The following IGSF21 variants were observed in gnomAD, a reference collection of about 807,000 sequenced individuals.
IGSF21 encodes the protein immunoglobin superfamily member 21, also known as immunoglobulin superfamily member 21.
In IGSF21, 28 loss-of-function variants were observed where a neutral mutation model predicts 46.8. That is an observed-to-expected ratio of 0.60 (90% CI 0.44 to 0.82). IGSF21 has a LOEUF of 0.82. IGSF21 is among the 40% of genes least tolerant of loss of function. IGSF21 has a pLI of 0.00. For missense variants in IGSF21, 624 were observed against 665.5 expected, an observed-to-expected ratio of 0.94 and a Z score of 0.69; for synonymous variants, 284 against 273.6, an observed-to-expected ratio of 1.04 and a Z score of -0.38.
In IGSF21 at chr1:18,377,000, G is replaced by A. The variant is rs535632273; in HGVS notation, c.1294+8G>A. The stretch of plus-strand genomic sequence containing the variant: ...CCCGGCTCATCGTGTTTGGTATGGC[G>A]CGCTCAACTGGGGACTGGGAGAACA... On this transcript the variant is annotated splice_region_variant and intron_variant, in intron 8 of 9. Coordinates refer to ENST00000251296, the MANE Select transcript of IGSF21 (RefSeq NM_032880.5). 22 of 1,582,950 alleles carry A rather than the reference G, an allele frequency of 1.4e-5. No individual in the cohort carries two copies. The highest frequency in any genetic ancestry group is 1.7e-4 in the Middle Eastern group (1 of 5,914).
intron 1 of IGSF21, among the ~76,000 whole-genome samples, chr1:18,189,628 C>T (rs59446602): frequency 0.024 from 3,627 of 151,838 alleles, 160 homozygotes; most frequent in African/African-American, 0.081. Flanking sequence ...GATCATCAGG[C>T]ATTAGATTCT....
intron 6 of IGSF21, among the ~76,000 whole-genome samples, chr1:18,367,448 G>A (rs184519653): frequency 1.3e-4 from 20 of 152,102 alleles, no homozygotes; most frequent in Admixed American, 2.6e-4. Context: ...ATGTAGCGGC[G>A]TTGAAATTTC....
intron 2 of IGSF21, among the ~76,000 whole-genome samples, chr1:18,231,095 A>G (rs1245961471): frequency 6.6e-6 from 1 of 152,040 alleles, no homozygotes; most frequent in East Asian, 1.9e-4. Flanking sequence ...TGTGGCTCCA[A>G]CCCCGTTAGA....
At chr1:18,373,518 G>T (rs11583062) in intron 6 of IGSF21, among the ~76,000 whole-genome samples, 24,495 of 152,054 alleles carry the variant, frequency 0.16, 2,285 homozygotes, top group East Asian at 0.34. Context: ...AGGGACCATC[G>T]GCTGCAAACG....
chr1:18,235,259 C>T (rs1359632874), intron 2 of IGSF21, among the ~76,000 whole-genome samples: 1 of 152,212 alleles, frequency 6.6e-6, no homozygotes, highest in Non-Finnish European at 1.5e-5. Flanking sequence ...GTTCCATGCA[C>T]TCATCCAACA....
intron 3 of IGSF21, among the ~76,000 whole-genome samples, chr1:18,324,298 G>T (rs1205224390): frequency 6.6e-6 from 1 of 152,182 alleles, no homozygotes; most frequent in Admixed American, 6.5e-5. Flanking sequence ...ATGTATTTCT[G>T]GCTCATTGAG....
rs867297209 is a variant in IGSF21, at chr1:18,108,012, C to T, written c.-117C>T. ...CGCCCCCGCGGCTCTCCGCGCTGCC[C>T]GCCACCGCCTCGGCCAGTGGCCGGA... On this transcript the variant is annotated 5_prime_UTR_variant, in exon 1 of 10. Transcript: ENST00000251296. 12 of 364,416 alleles carry T rather than the reference C, an allele frequency of 3.3e-5. No homozygotes were observed. The highest frequency in any genetic ancestry group is 8.3e-4 in the Middle Eastern group (1 of 1,212). The allele number at this position is 364,416 out of a possible 1,614,324, so 22.6% of individuals were successfully genotyped here.
intron 2 of IGSF21, among the ~76,000 whole-genome samples, chr1:18,278,526 G>GT (rs200294798): frequency 3.0e-5 from 4 of 132,960 alleles, no homozygotes; most frequent in Middle Eastern, 4.8e-3. Flanking sequence ...CAGGTGTAAG[G>GT]TTTTTTTTGT....
chr1:18,378,230 G>T, intron 9 of IGSF21, 26 bp from the exon 10 acceptor site: 1 of 1,609,546 alleles, frequency 6.2e-7, no homozygotes, highest in South Asian at 1.1e-5. Flanking sequence ...TGCAGGCTCT[G>T]ACCCTTTCCC....
chr1:18,138,902 G>C (rs1350109800), intron 1 of IGSF21, among the ~76,000 whole-genome samples: 2 of 152,218 alleles, frequency 1.3e-5, no homozygotes. Context: ...GGCCCAGAGA[G>C]AGCCACAAAG....
At chr1:18,304,510 G>A (rs1035591780) in intron 3 of IGSF21, among the ~76,000 whole-genome samples, 1 of 152,122 alleles carries the variant, frequency 6.6e-6, no homozygotes, top group Admixed American at 6.5e-5. Context: ...GATGACTTCC[G>A]TAAGGTCACA....
chr1:18,260,009 T>C lies in IGSF21; in HGVS notation c.184-31857T>C, dbSNP rs1005822058. ...CCCTTCATCTCTCCAAGCCTCAGCTTTCTCTCTTCTTGAATGGGTATAAAA... is the reference window on the plus strand; with the variant it reads ...CCCTTCATCTCTCCAAGCCTCAGCTCTCTCTCTTCTTGAATGGGTATAAAA... On this transcript the variant is annotated intron_variant, in intron 2 of 9. Coordinates refer to ENST00000251296, the MANE Select transcript of IGSF21 (RefSeq NM_032880.5). Among the ~76,000 whole-genome samples, 45 of 152,236 alleles carry C rather than the reference T, an allele frequency of 3.0e-4. 1 individual carries two copies. Among genetic ancestry groups the C allele is most frequent in the Admixed American group, 2.0e-3 (31 of 15,284 alleles).
rs532704807 is a variant in IGSF21 at position 18,173,157 on chromosome 1, G to A, written c.71-54741G>A. On this transcript the variant is annotated intron_variant, in intron 1 of 9. Transcript: ENST00000251296. ...CAAAAAATTAGCCAGGCGTGGTGGC[G>A]GGTGCCTGTAGTCTCAGCTACTTGG... is the stretch of plus-strand genomic sequence containing the variant. Among the ~76,000 whole-genome samples, 9 of 152,168 alleles carry A rather than the reference G, an allele frequency of 5.9e-5. No individual in the cohort carries two copies. In the South Asian group the frequency reaches 8.3e-4, roughly 14 times the overall value.
At chr1:18,296,231 A>G (rs887496262) in intron 3 of IGSF21, among the ~76,000 whole-genome samples, 11 of 152,036 alleles carry the variant, frequency 7.2e-5, no homozygotes, top group African/African-American at 2.7e-4. Flanking sequence ...CTTTCCTCCT[A>G]AATCCTTGTT....
At chr1:18,136,666 A>G (rs2086370119) in intron 1 of IGSF21, among the ~76,000 whole-genome samples, 1 of 152,134 alleles carries the variant, frequency 6.6e-6, no homozygotes, top group South Asian at 2.1e-4. Flanking sequence ...GTAGCCTTGT[A>G]GTATAGTTTG....
At chr1:18,171,478 G>A (rs1227967547) in intron 1 of IGSF21, among the ~76,000 whole-genome samples, 1 of 152,180 alleles carries the variant, frequency 6.6e-6, no homozygotes, top group Non-Finnish European at 1.5e-5. Context: ...TGCTGAGGAA[G>A]GGGTGTAGCA....
At chr1:18,270,359 G>A (rs1472538753) in intron 2 of IGSF21, among the ~76,000 whole-genome samples, 3 of 152,224 alleles carry the variant, frequency 2.0e-5, no homozygotes, top group Non-Finnish European at 4.4e-5. Context: ...ATATTCTGGG[G>A]AGGGTGAATG....
Position 18,367,108 on chromosome 1 carries a change from C to T in IGSF21, c.1015+1411C>T, listed in dbSNP as rs114893719. Reference sequence around the variant, plus strand: ...TCCAAAACTCCTGTAGTGTCAGGGGCTGCCTGGAGCAGTCCACAGCCTCTA... The same window carrying T: ...TCCAAAACTCCTGTAGTGTCAGGGGTTGCCTGGAGCAGTCCACAGCCTCTA... On this transcript the variant is annotated intron_variant, in intron 6 of 9. Coordinates refer to ENST00000251296, the MANE Select transcript of IGSF21 (RefSeq NM_032880.5). Among the ~76,000 whole-genome samples, 815 of 152,258 alleles carry T rather than the reference C, an allele frequency of 5.4e-3. 10 individuals carry two copies. The highest frequency in any genetic ancestry group is 0.018 in the African/African-American group (767 of 41,536).
intron 1 of IGSF21, among the ~76,000 whole-genome samples, chr1:18,181,646 C>G (rs2086859055): frequency 6.6e-6 from 1 of 152,160 alleles, no homozygotes; most frequent in South Asian, 2.1e-4. Flanking sequence ...TCAGCTCTGT[C>G]TTTTTTGAAT....
Sources: gnomAD v4.1 joint callset for allele counts (sites outside exome capture counted in the v4.1 genomes callset) on GRCh38, gnomAD v4.1.1 for gene constraint, MANE v1.5 for transcripts, NCBI Gene and HGNC (gene_info 2026-07-23, HGNC 2026-07-21) for gene names.